HAVCR1: variants seen among roughly 807,000 people sequenced by gnomAD.
HAVCR1 encodes the protein hepatitis A virus cellular receptor 1, also known as T cell immunoglobin domain and mucin domain protein 1.
A neutral mutation model predicts 32.0 loss-of-function variants in HAVCR1; 34 were observed. The ratio of observed to expected loss-of-function variants is 1.06; its 90% CI spans 0.81 to 1.42. The LOEUF (loss-of-function observed/expected upper bound fraction) is 1.42, where lower values mean the gene tolerates loss of function less well. Ranked by LOEUF, HAVCR1 falls within the 40% of genes most tolerant of loss-of-function variation. The probability of loss-of-function intolerance (pLI) is 0.00; values close to 1 mark genes in which losing one functional copy is unlikely to be tolerated. For synonymous variants in HAVCR1, 178 were observed against 170.3 expected, an observed-to-expected ratio of 1.05 and a Z score of -0.35; for missense variants, 420 against 442.3, an observed-to-expected ratio of 0.95 and a Z score of 0.45.
At chr5:157,043,206 C>T (rs1385620950) in intron 5 of HAVCR1, among the ~76,000 whole-genome samples, 1 of 152,142 alleles carries the variant, frequency 6.6e-6, no homozygotes, top group Non-Finnish European at 1.5e-5. Context: ...TGCCGATGTG[C>T]TTACATTTTG....
Position 157,037,332 on chromosome 5 carries a change from C to T in HAVCR1, c.867G>A (p.Thr289=), listed in dbSNP as rs370862249. ...CATAGATTCCTTTAGTGGTATTGGC[C>T]GTCAGTAGACTATGTTCTAGGAACA... ...TQLFLEHSLL[T]ANTTKGIYAG... Residue 289 remains threonine (T), a synonymous_variant, in exon 7 of 9, where the codon ACG becomes ACA. Coordinates refer to ENST00000523175, the MANE Select transcript of HAVCR1 (RefSeq NM_001173393.3). The T allele has an allele frequency of 2.5e-5, 39 of 1,569,322 alleles. No homozygotes were observed. The highest frequency in any genetic ancestry group is 6.7e-5 in the Admixed American group (4 of 59,878).
At chr5:157,053,228 A>G (rs1217338471) in intron 3 of HAVCR1, among the ~76,000 whole-genome samples, 1 of 151,650 alleles carries the variant, frequency 6.6e-6, no homozygotes, top group African/African-American at 2.4e-5. Context: ...CCCCATCTCT[A>G]CAAAAAATAG....
At chr5:157,044,027 G>T (rs1205437614) in intron 5 of HAVCR1, among the ~76,000 whole-genome samples, 2 of 152,012 alleles carry the variant, frequency 1.3e-5, no homozygotes, top group African/African-American at 2.4e-5. Context: ...TGCTTCTGAG[G>T]CTTCCTAGAA....
intron 5 of HAVCR1, among the ~76,000 whole-genome samples, chr5:157,046,781 TTAAC>T (rs1402351805): frequency 2.6e-5 from 4 of 152,172 alleles, no homozygotes; most frequent in African/African-American, 9.7e-5. Flanking sequence ...CTCTTTTTGT[TTAAC>T]TAATTAATTT....
chr5:157,046,831 C>A (rs571152845), intron 5 of HAVCR1, among the ~76,000 whole-genome samples: 17 of 152,116 alleles, frequency 1.1e-4, no homozygotes, highest in African/African-American at 4.1e-4. Flanking sequence ...GTAACTTGGG[C>A]CTTTTATAAG....
chr5:157,055,884 T>G (rs898676615), intron 2 of HAVCR1, among the ~76,000 whole-genome samples: 1 of 150,140 alleles, frequency 6.7e-6, no homozygotes, highest in Non-Finnish European at 1.5e-5. Context: ...AAAAAAAAAT[T>G]CTCTTAATTT....
At chr5:157,044,460 AAAGAAAGAAAGGAAGG>A (rs1192931444) in intron 5 of HAVCR1, among the ~76,000 whole-genome samples, 4 of 74,214 alleles carry the variant, frequency 5.4e-5, no homozygotes, top group Admixed American at 1.5e-4. Context: ...AGAAAGAAAG[AAAGAAAGAAAGGAAGG>A]AAGGAAGGAA....
At chr5:157,066,374 G>A in the HAVCR1 span, among the ~76,000 whole-genome samples, 1 of 152,008 alleles carries the variant, frequency 6.6e-6, no homozygotes, top group African/African-American at 2.4e-5. Flanking sequence ...AGTTGGACTT[G>A]AGTGCCTATA....
At chr5:157,056,186 T>C (rs1756128959) in intron 2 of HAVCR1, among the ~76,000 whole-genome samples, 1 of 151,722 alleles carries the variant, frequency 6.6e-6, no homozygotes, top group Admixed American at 6.6e-5. Flanking sequence ...CACCTGAGCA[T>C]CCCAAAGTGC....
rs183708128 is a variant in HAVCR1, at chr5:157,056,695, T to C, written c.47-1162A>G. Among the ~76,000 whole-genome samples the C allele has an allele frequency of 2.7e-3, 408 of 152,136 alleles. 2 individuals are homozygous for C. Among genetic ancestry groups the C allele is most frequent in the African/African-American group, 9.1e-3 (379 of 41,536 alleles). ...ACGCCCGGCCACCAAGAAATTCTTG[T>C]TTAATTTTGCCTAATACTAGTATCA... is the stretch of plus-strand genomic sequence containing the variant. On this transcript the variant is annotated intron_variant, in intron 2 of 8. Coordinates refer to ENST00000523175, the MANE Select transcript of HAVCR1 (RefSeq NM_001173393.3).
At chr5:157,044,623 A>AAGAAAG (rs1561591232) in intron 5 of HAVCR1, among the ~76,000 whole-genome samples, 202 of 53,234 alleles carry the variant, frequency 3.8e-3, no homozygotes, top group African/African-American at 4.4e-3. Flanking sequence ...AAGAGAAAGA[A>AAGAAAG]AGAAAGAAAG....
intron 2 of HAVCR1, among the ~76,000 whole-genome samples, chr5:157,056,633 G>A (rs1756170381): frequency 4.6e-5 from 7 of 151,916 alleles, no homozygotes; most frequent in Admixed American, 4.6e-4. Context: ...GCCCGCCTTG[G>A]CCTCCCAAAG....
At chr5:157,067,617 G>A in the HAVCR1 span, among the ~76,000 whole-genome samples, 1 of 152,194 alleles carries the variant, frequency 6.6e-6, no homozygotes, top group African/African-American at 2.4e-5. Flanking sequence ...GCAAGGAGCT[G>A]TGATTGCACC....
chr5:157,042,105 G>T (rs915070347), intron 6 of HAVCR1, among the ~76,000 whole-genome samples: 2 of 151,982 alleles, frequency 1.3e-5, no homozygotes, highest in African/African-American at 4.8e-5. Flanking sequence ...CCAACAGAAA[G>T]TCTGTGTACT....
chr5:157,061,835 G>T (rs1362302274), upstream of HAVCR1, among the ~76,000 whole-genome samples: 1 of 152,162 alleles, frequency 6.6e-6, no homozygotes, highest in Admixed American at 6.5e-5. Context: ...TGAGAAGAAT[G>T]GGTGGAGGGT....
Position 157,032,836 on chromosome 5 carries a change from A to G in HAVCR1, c.986+18T>C. ...GTAGGAACCTCAAAAGTATTGATAG[A>G]AATATTTTCGAGCTTACCTTAGTTG... is the stretch of plus-strand genomic sequence containing the variant. On this transcript the variant is annotated intron_variant, in intron 8 of 8. Transcript: ENST00000523175. 2 of 1,443,636 alleles carry G rather than the reference A, an allele frequency of 1.4e-6. No individual in the cohort carries two copies. The highest frequency in any genetic ancestry group is 1.2e-5 in the South Asian group (1 of 86,640). 89.4% of individuals were successfully genotyped at this position (1,443,636 alleles called of 1,614,324 possible).
At chr5:157,040,715 C>A (rs540769189) in intron 6 of HAVCR1, among the ~76,000 whole-genome samples, 3 of 152,200 alleles carry the variant, frequency 2.0e-5, no homozygotes, top group African/African-American at 7.2e-5. Context: ...GCATGGCCAA[C>A]GTGGTGAAAT....
Position 157,029,725 on chromosome 5 carries a change from A to G in HAVCR1, c.*8T>C. 1 of 1,613,068 alleles carries G rather than the reference A, an allele frequency of 6.2e-7. No homozygotes were observed. The highest frequency in any genetic ancestry group is 1.3e-5 in the African/African-American group (1 of 75,002). ...TGGGCGTAAACTCTCAAAGAGCACC[A>G]CTGGGTCTTAGTCCGTGGCATAAAG... On this transcript the variant is annotated 3_prime_UTR_variant, in exon 9 of 9. Transcript: ENST00000523175.
intron 5 of HAVCR1, among the ~76,000 whole-genome samples, chr5:157,048,172 GCCTCC>G (rs1755520480): frequency 6.6e-6 from 1 of 152,150 alleles, no homozygotes. Flanking sequence ...ATCAGTGGAA[GCCTCC>G]TGGTACTTTT....
Sources: allele counts gnomAD v4.1 joint callset (sites outside exome capture counted in the v4.1 genomes callset), GRCh38; gene constraint gnomAD v4.1.1; transcripts MANE v1.5; gene names NCBI Gene and HGNC (gene_info 2026-07-23, HGNC 2026-07-21).